Variants in OSGIN2 observed in about 807,000 individuals in gnomAD.
The protein encoded by OSGIN2 is oxidative stress-induced growth inhibitor 2.
Under a neutral mutation model 53.8 loss-of-function variants are expected in OSGIN2, and 19 were observed. The ratio of observed to expected loss-of-function variants is 0.35; its 90% CI spans 0.25 to 0.52. The LOEUF (loss-of-function observed/expected upper bound fraction) is 0.52, where lower values mean the gene tolerates loss of function less well. Among genes scored for constraint, OSGIN2 ranks in the 20% least tolerant of loss-of-function variants. The probability of loss-of-function intolerance (pLI) is 0.95; values close to 1 mark genes in which losing one functional copy is unlikely to be tolerated. For missense variants in OSGIN2, 520 were observed against 662.7 expected (o/e 0.78, Z 2.36); for synonymous variants, 236 against 236.0 (o/e 1.00, Z 0.00).
intron 5 of OSGIN2, among the ~76,000 whole-genome samples, chr8:89,923,079 C>T (rs115714862): frequency 0.012 from 1,801 of 152,218 alleles, 30 homozygotes; most frequent in African/African-American, 0.04. Flanking sequence ...CTGGAAGCTG[C>T]TTTGGATGAG....
chr8:89,904,791 C>T (rs914920759), intron 1 of OSGIN2, among the ~76,000 whole-genome samples: 5 of 151,904 alleles, frequency 3.3e-5, no homozygotes, highest in Non-Finnish European at 7.4e-5. Context: ...TCCAGCTGGG[C>T]GACAGAGTGA....
rs369734154 is a variant in OSGIN2, at chr8:89,910,884, A to G, written c.199+1163A>G. Reference sequence around the variant, plus strand: ...TATTTATATAGTGTCATTACTGTTGACAATGGCACCACCAGCCTGAGCATA... The same window carrying G: ...TATTTATATAGTGTCATTACTGTTGGCAATGGCACCACCAGCCTGAGCATA... On this transcript the variant is annotated intron_variant, in intron 2 of 5. Transcript: ENST00000451899. 2.0e-3 allele frequency among the ~76,000 whole-genome samples: 304 copies of G among 152,344 alleles called. 3 individuals carry two copies. In the South Asian group the frequency reaches 0.027, roughly 14 times the overall value.
At position 89,927,605 on chromosome 8, in the gene OSGIN2, T is replaced by C. The variant is rs1364691313; in HGVS notation, c.*2073T>C. ...TGAGCATCTCCTCCTTATCCCTCGA[T>C]GCCTGGCTTGGTGTCTGGCAAACAG... On this transcript the variant is annotated 3_prime_UTR_variant, in exon 6 of 6. Coordinates refer to ENST00000451899, the MANE Select transcript of OSGIN2 (RefSeq NM_001126111.3). The C allele has an allele frequency of 6.6e-6, 1 of 152,240 alleles. No individual in the cohort carries two copies. Among genetic ancestry groups the C allele is most frequent in the Non-Finnish European group, 1.5e-5 (1 of 68,034 alleles). 9.4% of individuals were successfully genotyped at this position (152,240 alleles called of 1,614,324 possible). A position where few individuals can be genotyped will look rare whatever the true frequency, so the allele number is the denominator to read the frequency against.
chr8:89,908,504 T>C (rs973459264), intron 1 of OSGIN2, among the ~76,000 whole-genome samples: 2 of 152,172 alleles, frequency 1.3e-5, no homozygotes, highest in African/African-American at 4.8e-5. Context: ...AGTTCAATCT[T>C]GTGAAATAAC....
intron 5 of OSGIN2, among the ~76,000 whole-genome samples, chr8:89,924,097 C>T (rs1809262943): frequency 6.6e-6 from 1 of 151,798 alleles, no homozygotes; most frequent in African/African-American, 2.4e-5. Context: ...ATTAGTTAGG[C>T]CTGTAATATC....
rs1585995442 is a variant in OSGIN2, at chr8:89,903,616, T to C, written c.44+779T>C. On this transcript the variant is annotated intron_variant, in intron 1 of 5. Coordinates refer to ENST00000451899, the MANE Select transcript of OSGIN2 (RefSeq NM_001126111.3). ...GAAATTTTGATCAAGCCTTCCTAAA[T>C]AGTGGGTTTCATACAATTTAGGTAA... Among the ~76,000 whole-genome samples the C allele has an allele frequency of 4.6e-5, 7 of 152,302 alleles. No homozygotes were observed. The South Asian group carries it at 1.4e-3, about 32-fold the overall frequency.
intron 3 of OSGIN2, 79 bp from the exon 4 acceptor site, chr8:89,914,476 G>T (rs1185080167): frequency 9.6e-7 from 1 of 1,043,452 alleles, no homozygotes; most frequent in East Asian, 2.4e-5. Flanking sequence ...TATCATTGGA[G>T]CATCATGGTA....
In OSGIN2 at chr8:89,925,264, C is replaced by T. The variant is rs767770927; in HGVS notation, c.1382C>T (p.Pro461Leu). 1 of 1,614,136 alleles carries T rather than the reference C, an allele frequency of 6.2e-7. No individual in the cohort carries two copies. Among genetic ancestry groups the T allele is most frequent in the Non-Finnish European group, 8.5e-7 (1 of 1,179,996 alleles). ...GCAGTAGTATTGATAGGTTCTCATC[C>T]TAATCTGTCTTTTCTGAAGGATCAA... Reference protein sequence around the residue: ...SAAVVLIGSHPNLSFLKDQGC... With the variant: ...SAAVVLIGSHLNLSFLKDQGC... Residue 461 changes from proline to leucine, a missense_variant, in exon 6 of 6, where the codon CCT becomes CTT. This residue lies in a region of OSGIN2 where 239 missense variants were observed against 328.3 expected (regional missense o/e 0.73). Transcript: ENST00000451899.
chr8:89,921,506 A>G (rs1809204060), intron 5 of OSGIN2, among the ~76,000 whole-genome samples: 1 of 152,202 alleles, frequency 6.6e-6, no homozygotes, highest in South Asian at 2.1e-4. Flanking sequence ...GCATTGATAT[A>G]TAACTTTATC....
At chr8:89,921,211 GA>G in intron 5 of OSGIN2, 40 bp downstream of exon 5, 1 of 1,172,244 alleles carries the variant, frequency 8.5e-7, no homozygotes, top group Non-Finnish European at 1.2e-6. Context: ...GGTGTACGTT[GA>G]AAAAGAGAAT....
At chr8:89,924,173 C>T (rs1413497354) in intron 5 of OSGIN2, among the ~76,000 whole-genome samples, 1 of 151,972 alleles carries the variant, frequency 6.6e-6, no homozygotes, top group Non-Finnish European at 1.5e-5. Flanking sequence ...TAAAGTAGTC[C>T]AATTTTCAAA....
At position 89,924,794 on chromosome 8, in the gene OSGIN2, G is replaced by A. The variant is rs1193328735; in HGVS notation, c.912G>A (p.Leu304=). The A allele has an allele frequency of 5.0e-6, 8 of 1,614,006 alleles. No homozygotes were observed. Among genetic ancestry groups the A allele is most frequent in the Non-Finnish European group, 6.8e-6 (8 of 1,179,994 alleles). The part of the protein sequence containing the change: ...PFCLFAENVA[L]ATGTLDSPAH... ...GCCTCTTTGCTGAGAATGTAGCGCT[G>A]GCAACTGGAACGCTGGATTCTCCTG... The change falls in exon 6 of 6, where the codon CTG becomes CTA. Residue 304 remains leucine (L), a synonymous_variant. Transcript: ENST00000451899.
chr8:89,925,218 A>G lies in OSGIN2; in HGVS notation c.1336A>G (p.Lys446Glu). ...TCTCCAAAGCGTTTCTGGATTGAAG[A>G]AAATATTTAAGCTGTCTGCAGCAGT... is the stretch of plus-strand genomic sequence containing the variant. ...CVLQSVSGLK[K>E]IFKLSAAVVL... Residue 446 changes from lysine to glutamate, a missense_variant, in exon 6 of 6, where the codon AAA (lysine) becomes GAA (glutamate). Lys to Glu is a moderately conservative substitution (Grantham distance 56). This residue lies in a region of OSGIN2 where 239 missense variants were observed against 328.3 expected (regional missense o/e 0.73). Coordinates refer to ENST00000451899, the MANE Select transcript of OSGIN2 (RefSeq NM_001126111.3). 1 of 1,614,154 alleles carries G rather than the reference A, an allele frequency of 6.2e-7. No individual in the cohort carries two copies. Among genetic ancestry groups the G allele is most frequent in the Non-Finnish European group, 8.5e-7 (1 of 1,180,010 alleles).
At chr8:89,920,423 C>T (rs945339289) in intron 4 of OSGIN2, among the ~76,000 whole-genome samples, 3 of 152,170 alleles carry the variant, frequency 2.0e-5, no homozygotes, top group African/African-American at 4.8e-5. Flanking sequence ...ATAGGTATAA[C>T]AGGTACTTGG....
intron 4 of OSGIN2, 144 bp from the exon 5 acceptor site, chr8:89,920,935 GC>G (rs1809184728): frequency 3.9e-6 from 2 of 515,142 alleles, no homozygotes; most frequent in Non-Finnish European, 3.5e-6. Flanking sequence ...AGGTAAGTTA[GC>G]CAACCATTTA....
intron 2 of OSGIN2, among the ~76,000 whole-genome samples, chr8:89,913,628 A>T (rs189430393): frequency 6.6e-6 from 1 of 152,344 alleles, no homozygotes; most frequent in East Asian, 1.9e-4. Context: ...GGGGCAAACT[A>T]GGTTTAGAAC....
At chr8:89,912,256 G>A (rs148626751) in intron 2 of OSGIN2, among the ~76,000 whole-genome samples, 29 of 152,306 alleles carry the variant, frequency 1.9e-4, no homozygotes, top group Middle Eastern at 3.4e-3. Context: ...ATCCAGTTTG[G>A]TTTTAGTTAA....
At chr8:89,915,402 A>G (rs1431770074) in intron 4 of OSGIN2, among the ~76,000 whole-genome samples, 7 of 152,150 alleles carry the variant, frequency 4.6e-5, no homozygotes, top group Admixed American at 4.6e-4. Context: ...ATCTAGCTCT[A>G]CTTACCTCCC....
rs35635974 is a variant in OSGIN2, at chr8:89,909,011, CAAAAAAAAAAAAA to C, written c.45-541_45-529del. Among the ~76,000 whole-genome samples, 6 of 38,400 alleles carry C rather than the reference CAAAAAAAAAAAAA, an allele frequency of 1.6e-4. No homozygotes were observed. The East Asian group carries it at 4.4e-3, about 28-fold the overall frequency. The allele number at this position is 38,400 out of a possible 152,430, so 25.2% of individuals were successfully genotyped here. ...GGGTGACAGAGCAAGACCTTGTTTC[CAAAAAAAAAAAAA>C]AAAAAAAAAAAAAATATATATATAT... On this transcript the variant is annotated intron_variant, in intron 1 of 5. Coordinates refer to ENST00000451899, the MANE Select transcript of OSGIN2 (RefSeq NM_001126111.3).
Sources: allele counts gnomAD v4.1 joint callset (sites outside exome capture counted in the v4.1 genomes callset), GRCh38; gene constraint gnomAD v4.1.1; regional missense constraint gnomAD v4.1.1; transcripts MANE v1.5; gene names NCBI Gene and HGNC (gene_info 2026-07-23, HGNC 2026-07-21).